KLK13: variants seen among roughly 807,000 people sequenced by gnomAD.
The protein encoded by KLK13 is kallikrein related peptidase 13.
A neutral mutation model predicts 22.4 loss-of-function variants in KLK13; 19 were observed. The observed-to-expected ratio is 0.85, with a 90% confidence interval of 0.59 to 1.24. The LOEUF (loss-of-function observed/expected upper bound fraction) is 1.24, where lower values mean the gene tolerates loss of function less well. Ranked by LOEUF, KLK13 falls within the 50% of genes most tolerant of loss-of-function variation. The pLI, the probability that KLK13 is intolerant of heterozygous loss-of-function variation, is 0.00. For synonymous variants in KLK13, 156 were observed against 141.8 expected (o/e 1.10, Z -0.71); for missense variants, 311 against 347.9 (o/e 0.89, Z 0.84).
At chr19:51,057,135 A>ACCTTGCC (rs1599781798) in intron 4 of KLK13, among the ~76,000 whole-genome samples, 1 of 78,768 alleles carries the variant, frequency 1.3e-5, no homozygotes. Flanking sequence ...GTACTAAATC[A>ACCTTGCC]CCCCCTGCCC....
In KLK13 at chr19:51,060,557, C is replaced by T. The variant is rs753712961; in HGVS notation, c.115G>A (p.Gly39Ser). Reference sequence around the variant, plus strand: ...TGAGAGTGGGGGAAGCAGGTGTAGCCACCTGGGAGAAACCCACTGGTCCCA... The same window carrying T: ...TGAGAGTGGGGGAAGCAGGTGTAGCTACCTGGGAGAAACCCACTGGTCCCA... Reference protein sequence around the residue: ...TNGTSGFLPGGYTCFPHSQPW... With the variant: ...TNGTSGFLPGSYTCFPHSQPW... Residue 39 changes from glycine (G) to serine (S), a missense_variant, in exon 2 of 5, where the codon GGC becomes AGC. Coordinates refer to ENST00000595793, the MANE Select transcript of KLK13 (RefSeq NM_015596.3). 6.2e-7 allele frequency: 1 copy of T among 1,613,790 alleles called. No individual in the cohort carries two copies. The highest frequency in any genetic ancestry group is 1.1e-5 in the South Asian group (1 of 91,010).
chr19:51,064,641 A>C (rs763869645), intron 1 of KLK13: 1 of 552,928 alleles, frequency 1.8e-6, no homozygotes, highest in African/African-American at 1.9e-5. Flanking sequence ...AAGCACTTAT[A>C]GATTAAGCCC....
At position 51,060,012 on chromosome 19, in the gene KLK13, G is replaced by A. The variant is rs1231566401; in HGVS notation, c.321C>T (p.Ile107=). The A allele has an allele frequency of 6.2e-7, 1 of 1,613,682 alleles. No individual in the cohort carries two copies. The highest frequency in any genetic ancestry group is 1.7e-5 in the Admixed American group (1 of 59,980). ...GEQVREVVHS[I]PHPEYRRSPT... is the part of the protein sequence containing the mutation. ...GGCTTCTCCGGTATTCAGGGTGGGG[G>A]ATAGAGTGGACAACTTCCCTCACCT... is the stretch of plus-strand genomic sequence containing the variant. Residue 107 remains isoleucine, a synonymous_variant, in exon 3 of 5, where the codon ATC becomes ATT. Coordinates refer to ENST00000595793, the MANE Select transcript of KLK13 (RefSeq NM_015596.3).
At chr19:51,062,509 C>T (rs1031826335) in intron 1 of KLK13, among the ~76,000 whole-genome samples, 1 of 152,152 alleles carries the variant, frequency 6.6e-6, no homozygotes, top group African/African-American at 2.4e-5. Flanking sequence ...TATTCAGTAC[C>T]ATATTCCCAG....
rs2091678619 is a variant in KLK13, at chr19:51,056,707, T to A, written c.714A>T (p.Pro238=). ...LYGIVSWGDF[P]CGQPDRPGVY... ...CACCAGGCCGGTCAGGTTGCCCACA[T>A]GGGAAGTCTCCCCAGGAGACGATGC... The change falls in exon 5 of 5, where the codon CCA becomes CCT. Residue 238 remains proline, a synonymous_variant. Transcript: ENST00000595793. 3 of 1,613,984 alleles carry A rather than the reference T, an allele frequency of 1.9e-6. No homozygotes were observed. Among genetic ancestry groups the A allele is most frequent in the South Asian group, 1.1e-5 (1 of 91,084 alleles).
At chr19:51,060,342 C>A (rs1188882265) in intron 2 of KLK13, 91 bp downstream of exon 2, 4 of 1,371,700 alleles carry the variant, frequency 2.9e-6, no homozygotes, top group Non-Finnish European at 4.0e-6. Flanking sequence ...CCAACCCTAA[C>A]TCCAACTCCA....
At chr19:51,064,976 C>G (rs1177324219) in intron 1 of KLK13, 40 bp downstream of exon 1, 1 of 1,536,898 alleles carries the variant, frequency 6.5e-7, no homozygotes, top group South Asian at 1.2e-5. Flanking sequence ...CTACCATTGT[C>G]CCGAATGGCC....
rs1162660919 is a variant in KLK13, at chr19:51,060,318, T to C, written c.239+115A>G. The C allele has an allele frequency of 1.1e-5, 13 of 1,185,402 alleles. No homozygotes were observed. The Admixed American group carries it at 3.6e-4, about 32-fold the overall frequency. 73.4% of individuals were successfully genotyped at this position (1,185,402 alleles called of 1,614,324 possible). A position where few individuals can be genotyped will look rare whatever the true frequency, so the allele number is the denominator to read the frequency against. On this transcript the variant is annotated intron_variant, in intron 2 of 4. Transcript: ENST00000595793. ...TCTCAACCCCAAACCTCATTCTCAC[T>C]CCCATGTCCATCCCCAACCCTAACT... is the stretch of plus-strand genomic sequence containing the variant.
chr19:51,059,138 G>C (rs184818705), intron 3 of KLK13, among the ~76,000 whole-genome samples: 1 of 152,004 alleles, frequency 6.6e-6, no homozygotes, highest in Non-Finnish European at 1.5e-5. Context: ...CTGGGAGAGA[G>C]TCAGGGATTG....
chr19:51,059,175 G>A (rs941202947), intron 3 of KLK13, among the ~76,000 whole-genome samples: 2 of 151,176 alleles, frequency 1.3e-5, no homozygotes, highest in Non-Finnish European at 2.9e-5. Context: ...GGCTCTTGTC[G>A]GTATATACAT....
In KLK13 at chr19:51,056,018, T is replaced by C. The variant is rs550409537; in HGVS notation, c.*569A>G. Among the ~76,000 whole-genome samples the C allele has an allele frequency of 1.5e-4, 23 of 152,134 alleles. No individual in the cohort carries two copies. The highest frequency in any genetic ancestry group is 5.6e-4 in the African/African-American group (23 of 41,412). On this transcript the variant is annotated 3_prime_UTR_variant, in exon 5 of 5. Transcript: ENST00000595793. ...CCATAACAGTGTGAGAATGAAATAT[T>C]CTGAGGATCCAATGTTAGCTGTGGT...
intron 1 of KLK13, chr19:51,063,436 T>G (rs1002668352): frequency 3.1e-6 from 1 of 323,658 alleles, no homozygotes; most frequent in Non-Finnish European, 6.1e-6. Context: ...AAAATGGTTT[T>G]CAGAGCCTCA....
chr19:51,061,954 T>C (rs1035294390), intron 1 of KLK13, among the ~76,000 whole-genome samples: 3 of 152,080 alleles, frequency 2.0e-5, no homozygotes, highest in South Asian at 2.1e-4. Context: ...TTAAATCATC[T>C]TGGATGCCCC....
At chr19:51,063,436 T>C (rs1002668352) in intron 1 of KLK13, 10 of 323,658 alleles carry the variant, frequency 3.1e-5, no homozygotes, top group Middle Eastern at 1.1e-3. Flanking sequence ...AAAATGGTTT[T>C]CAGAGCCTCA....
In KLK13 at chr19:51,056,444, G is replaced by C; in HGVS notation, c.*143C>G. 1 of 867,084 alleles carries C rather than the reference G, an allele frequency of 1.2e-6. No homozygotes were observed. The allele number at this position is 867,084 out of a possible 1,614,324, so 53.7% of individuals were successfully genotyped here. A position where few individuals can be genotyped will look rare whatever the true frequency, so the allele number is the denominator to read the frequency against. ...AGTGCCTGAATGCTTCTGAAACATG[G>C]AATGTTAGCTGAGATTGAGCATTTT... On this transcript the variant is annotated 3_prime_UTR_variant, in exon 5 of 5. Transcript: ENST00000595793.
rs1217116180 is a variant in KLK13, at chr19:51,055,888, A to G, written c.*699T>C. Among the ~76,000 whole-genome samples the G allele has an allele frequency of 1.3e-5, 2 of 152,218 alleles. No individual in the cohort carries two copies. Among genetic ancestry groups the G allele is most frequent in the African/African-American group, 2.4e-5 (1 of 41,452 alleles). ...AAGACCCTTTGGTATACTGAACCCT[A>G]TAACTCTAGAGACTAGGGTGCCATT... is the stretch of plus-strand genomic sequence containing the variant. On this transcript the variant is annotated 3_prime_UTR_variant, in exon 5 of 5. Transcript: ENST00000595793.
In KLK13 at chr19:51,057,592, C is replaced by T. The variant is rs375078924; in HGVS notation, c.646-817G>A. Among the ~76,000 whole-genome samples the T allele has an allele frequency of 5.9e-4, 90 of 152,168 alleles. 1 individual carries two copies. Among genetic ancestry groups the T allele is most frequent in the African/African-American group, 1.8e-3 (74 of 41,514 alleles). On this transcript the variant is annotated intron_variant, in intron 4 of 4. Coordinates refer to ENST00000595793, the MANE Select transcript of KLK13 (RefSeq NM_015596.3). ...AAATAGTCCTTCTGCCTCAGCCTCCCGAGTAACTAGGACTGCAGTTGTACT... is the reference window on the plus strand; with the variant it reads ...AAATAGTCCTTCTGCCTCAGCCTCCTGAGTAACTAGGACTGCAGTTGTACT...
At position 51,059,850 on chromosome 19, in the gene KLK13, G is replaced by T. The variant is rs1409813739; in HGVS notation, c.483C>A (p.Gly161=). Residue 161 remains glycine, a synonymous_variant, in exon 3 of 5, where the codon GGC becomes GGA. Coordinates refer to ENST00000595793, the MANE Select transcript of KLK13 (RefSeq NM_015596.3). ...LTPGTTCRVS[G]WGTTTSPQVN... ...CCTGGGGGCTGGTGGTGGTGCCCCAGCCAGACACCCGACAGGTGGTGCCAG... is the reference window on the plus strand; with the variant it reads ...CCTGGGGGCTGGTGGTGGTGCCCCATCCAGACACCCGACAGGTGGTGCCAG... The T allele has an allele frequency of 3.7e-6, 6 of 1,603,544 alleles. No homozygotes were observed. The highest frequency in any genetic ancestry group is 5.1e-6 in the Non-Finnish European group (6 of 1,174,242).
At chr19:51,065,087 GAGGGCA>G in exon 1 of KLK13, 1 of 1,450,036 alleles carries the variant, frequency 6.9e-7, no homozygotes, top group Non-Finnish European at 9.4e-7. Flanking sequence ...ATCGGGAGGG[GAGGGCA>G]GGGCGGGCGG....
Sources: allele counts gnomAD v4.1 joint callset (sites outside exome capture counted in the v4.1 genomes callset), GRCh38; gene constraint gnomAD v4.1.1; transcripts MANE v1.5; gene names NCBI Gene and HGNC (gene_info 2026-07-23, HGNC 2026-07-21).